Variants in FECH observed in about 807,000 individuals in gnomAD.
FECH encodes the protein ferrochelatase, also known as ferrochelatase, mitochondrial.
In FECH, 40 loss-of-function variants were observed where a neutral mutation model predicts 56.9. The ratio of observed to expected loss-of-function variants is 0.70; its 90% CI spans 0.55 to 0.92. The LOEUF is 0.92. Ranked by LOEUF, FECH falls within the 40% of genes least tolerant of loss-of-function variation. The probability of loss-of-function intolerance (pLI) is 0.00; values close to 1 mark genes in which losing one functional copy is unlikely to be tolerated. For synonymous variants in FECH, 175 were observed against 198.6 expected (o/e 0.88, Z 1.00); for missense variants, 431 against 529.1 (o/e 0.81, Z 1.82).
chr18:57,586,654 T>A lies in FECH; in HGVS notation c.-34A>T, dbSNP rs2051382632. On this transcript the variant is annotated 5_prime_UTR_variant, in exon 1 of 11. Transcript: ENST00000262093. ...CAGCCTCGGCCCGAGTCCGGGCTCC[T>A]CCCGCGGCGGCGCGCCCAGGTGTCC... 2.7e-6 allele frequency: 4 copies of A among 1,487,800 alleles called. No homozygotes were observed. The African/African-American group carries it at 4.4e-5, about 16-fold the overall frequency. The allele number at this position is 1,487,800 out of a possible 1,614,324, so 92.2% of individuals were successfully genotyped here.
At chr18:57,554,470 C>A (rs376560885) in intron 8 of FECH, 46 bp from the exon 9 acceptor site, 3 of 1,608,456 alleles carry the variant, frequency 1.9e-6, no homozygotes, top group Non-Finnish European at 2.6e-6. Flanking sequence ...TGCCTCCTGA[C>A]GGTCTGTAGT....
At chr18:57,585,648 C>T (rs1407508285) in intron 1 of FECH, among the ~76,000 whole-genome samples, 2 of 152,152 alleles carry the variant, frequency 1.3e-5, no homozygotes, top group East Asian at 3.9e-4. Flanking sequence ...CCCTCCACTC[C>T]AAGTAGGTGT....
rs998911288 is a variant in FECH at position 57,549,859 on chromosome 18, A to C, written c.*853T>G. 1 of 152,246 alleles carries C rather than the reference A, an allele frequency of 6.6e-6. No individual in the cohort carries two copies. Among genetic ancestry groups the C allele is most frequent in the Non-Finnish European group, 1.5e-5 (1 of 68,046 alleles). 9.4% of individuals were successfully genotyped at this position (152,246 alleles called of 1,614,324 possible). The stretch of plus-strand genomic sequence containing the variant: ...CAAATGTTCAGAAAGAAGGCATTCA[A>C]CTAAGATAGAGAAGATGCTGGATGG... On this transcript the variant is annotated 3_prime_UTR_variant, in exon 11 of 11. Coordinates refer to ENST00000262093, the MANE Select transcript of FECH (RefSeq NM_000140.5).
Position 57,554,855 on chromosome 18 carries a change from C to G in FECH, c.902G>C (p.Trp301Ser). The change falls in exon 8 of 11, where the codon TGG (tryptophan) becomes TCG (serine). Residue 301 changes from tryptophan (W) to serine (S), a missense_variant. Transcript: ENST00000262093. The stretch of plus-strand genomic sequence containing the variant: ...GTGGAAGCCACTTACCTTGGATTGC[C>G]ACACCAGTCGGTAGGGGTTGCAGTA... ...LEYCNPYRLV[W>S]QSKVGPMPWL... 1 of 1,614,088 alleles carries G rather than the reference C, an allele frequency of 6.2e-7. No homozygotes were observed. Among genetic ancestry groups the G allele is most frequent in the South Asian group, 1.1e-5 (1 of 91,070 alleles).
intron 4 of FECH, among the ~76,000 whole-genome samples, chr18:57,566,882 A>G (rs536414692): frequency 6.6e-6 from 1 of 152,248 alleles, no homozygotes; most frequent in South Asian, 2.1e-4. Flanking sequence ...AGAGAGCCTC[A>G]AGAGAAAGGA....
chr18:57,583,900 C>G lies in FECH; in HGVS notation c.67+2654G>C, dbSNP rs1229200276. Among the ~76,000 whole-genome samples the G allele has an allele frequency of 2.6e-5, 4 of 150,964 alleles. No individual in the cohort carries two copies. The East Asian group carries it at 7.8e-4, about 30-fold the overall frequency. ...AAGATGACATAAGAAAACGAAACTT[C>G]ACCGGGCACAGTGGCTCATGCCTGT... On this transcript the variant is annotated intron_variant, in intron 1 of 10. Coordinates refer to ENST00000262093, the MANE Select transcript of FECH (RefSeq NM_000140.5).
Position 57,573,259 on chromosome 18 carries a change from G to A in FECH, c.301C>T (p.Leu101Phe). Residue 101 changes from leucine to phenylalanine, a missense_variant, in exon 3 of 11, where the codon CTT (leucine) becomes TTT (phenylalanine). Coordinates refer to ENST00000262093, the MANE Select transcript of FECH (RefSeq NM_000140.5). ...RLFLDRDLMT[L>F]PIQNKLAPFI... ...TATATATCTCACTTCTGAATAGGAA[G>A]TGTCATGAGGTCTCGGTCCAAGAAG... 6.2e-7 allele frequency: 1 copy of A among 1,613,420 alleles called. No homozygotes were observed.
At chr18:57,579,013 C>A (rs2051225558) in intron 2 of FECH, among the ~76,000 whole-genome samples, 1 of 151,400 alleles carries the variant, frequency 6.6e-6, no homozygotes, top group Admixed American at 6.6e-5. Flanking sequence ...TTTGGAAGGC[C>A]AAGGCGGGCG....
chr18:57,547,914 A>G lies in FECH; in HGVS notation c.*2798T>C, dbSNP rs1367593337. ...GCCTTCCAAAGTATTGGAATTACACATGTAAGGCACGGCACCCAGCCTCAC... is the reference window on the plus strand; with the variant it reads ...GCCTTCCAAAGTATTGGAATTACACGTGTAAGGCACGGCACCCAGCCTCAC... On this transcript the variant is annotated 3_prime_UTR_variant, in exon 11 of 11. Transcript: ENST00000262093. Among the ~76,000 whole-genome samples, 1 of 152,182 alleles carries G rather than the reference A, an allele frequency of 6.6e-6. No individual in the cohort carries two copies. The highest frequency in any genetic ancestry group is 2.4e-5 in the African/African-American group (1 of 41,446).
intron 5 of FECH, among the ~76,000 whole-genome samples, chr18:57,563,887 T>G (rs986370321): frequency 1.3e-5 from 2 of 152,188 alleles, no homozygotes; most frequent in East Asian, 3.9e-4. Flanking sequence ...GTAACTATTG[T>G]TTGTTTGTGA....
Position 57,554,967 on chromosome 18 carries a change from C to G in FECH, c.805-15G>C, listed in dbSNP as rs2050850048. 7 of 1,605,110 alleles carry G rather than the reference C, an allele frequency of 4.4e-6. No homozygotes were observed. The highest frequency in any genetic ancestry group is 1.1e-5 in the South Asian group (1 of 90,882). ...CTGTTGACCACCTGCAGCAGAGACA[C>G]AATGGGTGTTCAGCCATTAACACTG... On this transcript the variant is annotated splice_polypyrimidine_tract_variant and intron_variant, in intron 7 of 10. Coordinates refer to ENST00000262093, the MANE Select transcript of FECH (RefSeq NM_000140.5).
chr18:57,562,266 A>T (rs182642861), intron 6 of FECH, among the ~76,000 whole-genome samples: 2 of 152,238 alleles, frequency 1.3e-5, no homozygotes, highest in South Asian at 4.1e-4. Flanking sequence ...TGACAGGCAG[A>T]AAAGAATATG....
At chr18:57,559,909 A>G (rs1451141420) in intron 6 of FECH, among the ~76,000 whole-genome samples, 1 of 152,160 alleles carries the variant, frequency 6.6e-6, no homozygotes, top group Admixed American at 6.5e-5. Flanking sequence ...CTCCCCCTCC[A>G]AATCTCTGTC....
chr18:57,580,271 A>G, intron 1 of FECH, 72 bp from the exon 2 acceptor site: 1 of 1,573,232 alleles, frequency 6.4e-7, no homozygotes, highest in South Asian at 1.1e-5. Context: ...TCCTCAGAGC[A>G]TAATTCCTGA....
chr18:57,585,916 C>G (rs1568157420), intron 1 of FECH: 1 of 152,280 alleles, frequency 6.6e-6, no homozygotes, highest in Non-Finnish European at 1.5e-5. Flanking sequence ...GTTGGAAATG[C>G]TGTCCCAGCC....
intron 1 of FECH, 97 bp from the exon 2 acceptor site, chr18:57,580,296 G>C (rs2051258828): frequency 3.4e-6 from 5 of 1,455,104 alleles, no homozygotes; most frequent in Non-Finnish European, 4.7e-6. Context: ...AAAATTTAAA[G>C]AGATCCCATG....
chr18:57,577,132 C>T (rs35585949), intron 2 of FECH, among the ~76,000 whole-genome samples: 38,702 of 152,032 alleles, frequency 0.25, 5,471 homozygotes, highest in African/African-American at 0.35. Context: ...AAAAGTAATA[C>T]GATCCCAGCT....
At chr18:57,563,250 T>C (rs1160425854) in intron 5 of FECH, among the ~76,000 whole-genome samples, 1 of 152,138 alleles carries the variant, frequency 6.6e-6, no homozygotes, top group Admixed American at 6.6e-5. Flanking sequence ...AGTTATGAAA[T>C]ATAAGCAGTC....
intron 2 of FECH, among the ~76,000 whole-genome samples, chr18:57,575,853 G>A (rs2051178325): frequency 1.3e-5 from 2 of 152,206 alleles, no homozygotes; most frequent in Admixed American, 6.5e-5. Flanking sequence ...TGTATAAGTG[G>A]ATGAGGTAAA....
Sources: allele counts gnomAD v4.1 joint callset (sites outside exome capture counted in the v4.1 genomes callset), GRCh38; gene constraint gnomAD v4.1.1; transcripts MANE v1.5; gene names NCBI Gene and HGNC (gene_info 2026-07-23, HGNC 2026-07-21).